Variants in MARCHF4 observed in about 807,000 individuals in gnomAD.
The protein encoded by MARCHF4 is E3 ubiquitin-protein ligase MARCHF4.
In MARCHF4, 14 loss-of-function variants were observed where a neutral mutation model predicts 43.9. That is an observed-to-expected ratio of 0.32 (90% CI 0.21 to 0.50). MARCHF4 has a LOEUF of 0.50. MARCHF4 is among the 20% of genes least tolerant of loss of function. The pLI is 0.98. For missense variants in MARCHF4, 468 were observed against 536.7 expected, an observed-to-expected ratio of 0.87 and a Z score of 1.27; for synonymous variants, 226 against 213.3, an observed-to-expected ratio of 1.06 and a Z score of -0.52.
rs547703846 is a variant in MARCHF4, at chr2:216,275,835, C to T, written c.865+1837G>A. On this transcript the variant is annotated intron_variant, in intron 3 of 3. Coordinates refer to ENST00000273067, the MANE Select transcript of MARCHF4 (RefSeq NM_020814.3). Reference sequence around the variant, plus strand: ...GGAGAGTGCACTAGTTCTGAGCAGGCGTTTTGAGATGCATTGCAAGTTTCC... The same window carrying T: ...GGAGAGTGCACTAGTTCTGAGCAGGTGTTTTGAGATGCATTGCAAGTTTCC... 2.6e-4 allele frequency among the ~76,000 whole-genome samples: 39 copies of T among 152,238 alleles called. No homozygotes were observed. In the Middle Eastern group the frequency reaches 0.014, roughly 53 times the overall value.
Position 216,371,161 on chromosome 2 carries a change from T to A in MARCHF4, c.-901A>T, listed in dbSNP as rs964407875. On this transcript the variant is annotated 5_prime_UTR_variant, in exon 1 of 4. Coordinates refer to ENST00000273067, the MANE Select transcript of MARCHF4 (RefSeq NM_020814.3). ...GGCGCCTCCTTCCTGAGCATGAAGA[T>A]CCTGGCTAGAGGAAGGGTGTGTGTA... The A allele has an allele frequency of 6.6e-6, 1 of 152,372 alleles. No individual in the cohort carries two copies. Among genetic ancestry groups the A allele is most frequent in the Non-Finnish European group, 1.5e-5 (1 of 68,274 alleles). 9.4% of individuals were successfully genotyped at this position (152,372 alleles called of 1,614,324 possible).
chr2:216,317,693 C>T (rs779600737), intron 1 of MARCHF4, among the ~76,000 whole-genome samples: 2 of 152,208 alleles, frequency 1.3e-5, no homozygotes, highest in Admixed American at 6.5e-5. Context: ...GGATTACAGG[C>T]ATGAGCCACC....
intron 1 of MARCHF4, among the ~76,000 whole-genome samples, chr2:216,368,159 A>G (rs1052770524): frequency 1.3e-5 from 2 of 152,232 alleles, no homozygotes; most frequent in Non-Finnish European, 2.9e-5. Context: ...GAGAAAAAAG[A>G]AATGCCTTAG....
chr2:216,308,809 G>C (rs1691632075), intron 1 of MARCHF4, among the ~76,000 whole-genome samples: 1 of 152,200 alleles, frequency 6.6e-6, no homozygotes, highest in Admixed American at 6.5e-5. Context: ...AGCCAGCTGT[G>C]AATCCTCCAG....
intron 1 of MARCHF4, among the ~76,000 whole-genome samples, chr2:216,333,184 T>G (rs1286603410): frequency 1.3e-5 from 2 of 152,234 alleles, no homozygotes; most frequent in Non-Finnish European, 2.9e-5. Flanking sequence ...CAGCCAAAGA[T>G]TTAATTTAGA....
At position 216,259,335 on chromosome 2, in the gene MARCHF4, C is replaced by A; in HGVS notation, c.1210G>T (p.Val404Phe). 6.4e-7 allele frequency: 1 copy of A among 1,560,162 alleles called. No individual in the cohort carries two copies. Among genetic ancestry groups the A allele is most frequent in the East Asian group, 2.3e-5 (1 of 44,254 alleles). ...TCTCACACTGTCGTGACTCTCATGA[C>A]CAGCTCTCGGCTGCTGCCTGGGGGA... Reference protein sequence around the residue: ...RSPPGSSRELVMRVTTV With the variant: ...RSPPGSSRELFMRVTTV The change falls in exon 4 of 4, where the codon GTC becomes TTC. Residue 404 changes from valine (V) to phenylalanine (F), a missense_variant. Physicochemically the swap from Val to Phe is conservative, Grantham distance 50. Around this residue, in one of 3 missense-constraint regions of MARCHF4, gnomAD observed 120 missense variants for 127.1 expected, o/e 0.94. Transcript: ENST00000273067.
chr2:216,280,780 G>A (rs1384384146), intron 2 of MARCHF4, among the ~76,000 whole-genome samples: 1 of 152,126 alleles, frequency 6.6e-6, no homozygotes, highest in Admixed American at 6.5e-5. Flanking sequence ...AAATAATAGT[G>A]CCCACTTCAC....
At chr2:216,261,253 G>T (rs78020143) in intron 3 of MARCHF4, among the ~76,000 whole-genome samples, 2,951 of 152,254 alleles carry the variant, frequency 0.019, 95 homozygotes, top group African/African-American at 0.067. Flanking sequence ...GCACCTTCTG[G>T]TTCTTTCTGG....
At chr2:216,290,182 G>C (rs1367919819) in intron 1 of MARCHF4, among the ~76,000 whole-genome samples, 1 of 152,216 alleles carries the variant, frequency 6.6e-6, no homozygotes, top group Non-Finnish European at 1.5e-5. Flanking sequence ...AAATGGAATA[G>C]AAAGGAGGGG....
At chr2:216,341,166 A>T (rs548311287) in intron 1 of MARCHF4, among the ~76,000 whole-genome samples, 20 of 152,284 alleles carry the variant, frequency 1.3e-4, no homozygotes, top group African/African-American at 4.3e-4. Flanking sequence ...ACCATTTTGC[A>T]GCTCCTCCAA....
At chr2:216,279,633 A>T (rs1691094176) in intron 2 of MARCHF4, among the ~76,000 whole-genome samples, 1 of 152,188 alleles carries the variant, frequency 6.6e-6, no homozygotes, top group Non-Finnish European at 1.5e-5. Context: ...TGCAGCTGGG[A>T]TTGGCCTGGC....
At chr2:216,275,273 C>G (rs1045807932) in intron 3 of MARCHF4, among the ~76,000 whole-genome samples, 2 of 152,138 alleles carry the variant, frequency 1.3e-5, no homozygotes, top group African/African-American at 4.8e-5. Flanking sequence ...AGAGGTGGCA[C>G]AGAGCCCTAC....
intron 1 of MARCHF4, among the ~76,000 whole-genome samples, chr2:216,326,204 G>GA (rs1308315755): frequency 7.2e-5 from 11 of 152,164 alleles, no homozygotes; most frequent in Non-Finnish European, 1.6e-4. Flanking sequence ...AAAACCACAT[G>GA]AAAAAATGCT....
At chr2:216,276,557 T>C (rs2105937329) in intron 3 of MARCHF4, among the ~76,000 whole-genome samples, 1 of 152,328 alleles carries the variant, frequency 6.6e-6, no homozygotes, top group Middle Eastern at 3.4e-3. Flanking sequence ...TATGTAAGTC[T>C]CCAGGCTTTT....
chr2:216,273,452 G>T (rs1400077145), intron 3 of MARCHF4, among the ~76,000 whole-genome samples: 2 of 152,294 alleles, frequency 1.3e-5, no homozygotes, highest in African/African-American at 4.8e-5. Flanking sequence ...TATCTCAGGT[G>T]CTGAATTGCT....
chr2:216,279,932 C>T (rs1044995545), intron 2 of MARCHF4, among the ~76,000 whole-genome samples: 2 of 152,158 alleles, frequency 1.3e-5, no homozygotes, highest in South Asian at 4.1e-4. Context: ...ACCATTGAGG[C>T]ATCCATCATC....
chr2:216,278,218 TTTTA>T (rs3080594), intron 2 of MARCHF4, among the ~76,000 whole-genome samples: 553 of 151,140 alleles, frequency 3.7e-3, no homozygotes, highest in African/African-American at 0.012. Context: ...CAGATGATTC[TTTTA>T]TTTATTTATT....
At chr2:216,298,682 C>A (rs1691435425) in intron 1 of MARCHF4, among the ~76,000 whole-genome samples, 1 of 152,178 alleles carries the variant, frequency 6.6e-6, no homozygotes, top group African/African-American at 2.4e-5. Context: ...AAAATATGTA[C>A]AGATTTATTG....
chr2:216,305,094 A>G, intron 1 of MARCHF4, among the ~76,000 whole-genome samples: 1 of 131,638 alleles, frequency 7.6e-6, no homozygotes, highest in East Asian at 1.9e-4. Flanking sequence ...CCACTGCATT[A>G]AAAAAAAAAT....
Sources: allele counts gnomAD v4.1 joint callset (sites outside exome capture counted in the v4.1 genomes callset), GRCh38; gene constraint gnomAD v4.1.1; regional missense constraint gnomAD v4.1.1; transcripts MANE v1.5; gene names NCBI Gene and HGNC (gene_info 2026-07-23, HGNC 2026-07-21).